The following PRDM10 variants were observed in gnomAD, a reference collection of about 807,000 sequenced individuals.
PRDM10 encodes the protein PR/SET domain 10.
PRDM10 carries 65 observed loss-of-function variants against 133.1 expected under a neutral mutation model. The observed-to-expected ratio is 0.49, with a 90% confidence interval of 0.40 to 0.60. The LOEUF is 0.60. Among genes scored for constraint, PRDM10 ranks in the 20% least tolerant of loss-of-function variants. PRDM10 has a pLI of 0.00. For synonymous variants in PRDM10, 582 were observed against 580.4 expected (o/e 1.00, Z -0.04); for missense variants, 1,137 against 1,507.1 (o/e 0.75, Z 4.07).
At chr11:129,904,548 G>A (rs1436286527) in intron 20 of PRDM10, among the ~76,000 whole-genome samples, 1 of 152,094 alleles carries the variant, frequency 6.6e-6, no homozygotes, top group Non-Finnish European at 1.5e-5. Context: ...TGCCCAGGCT[G>A]GAGTGCAGTG....
At chr11:129,987,757 T>C (rs1234381902) in intron 1 of PRDM10, among the ~76,000 whole-genome samples, 1 of 152,154 alleles carries the variant, frequency 6.6e-6, no homozygotes, top group Non-Finnish European at 1.5e-5. Flanking sequence ...TCCCAGCCCT[T>C]TGGGAGGCCG....
At chr11:129,926,846 T>A (rs758477887) in intron 11 of PRDM10, among the ~76,000 whole-genome samples, 6 of 152,184 alleles carry the variant, frequency 3.9e-5, no homozygotes, top group Admixed American at 2.6e-4. Context: ...TGAAATATAT[T>A]TCATATGAAA....
chr11:129,961,020 G>T lies in PRDM10; in HGVS notation c.-56C>A. ...CACACCTAGAGCAGCACAGGGTACA[G>T]GACAGTCATCTGTCTACCACACGTG... is the stretch of plus-strand genomic sequence containing the variant. On this transcript the variant is annotated 5_prime_UTR_variant, in exon 2 of 21. The change creates a new upstream start codon in the 5' untranslated region. Transcript: ENST00000360871. 6.5e-7 allele frequency: 1 copy of T among 1,543,868 alleles called. No individual in the cohort carries two copies. Among genetic ancestry groups the T allele is most frequent in the Non-Finnish European group, 8.9e-7 (1 of 1,117,772 alleles).
In PRDM10 at chr11:129,902,469, T is replaced by C. The variant is rs1163488210; in HGVS notation, c.3315A>G (p.Gln1105=). 1 of 1,614,064 alleles carries C rather than the reference T, an allele frequency of 6.2e-7. No homozygotes were observed. Among genetic ancestry groups the C allele is most frequent in the Non-Finnish European group, 8.5e-7 (1 of 1,180,038 alleles). ...GGACTCCACCAGAGAGGGCAGAAGT[T>C]TGCTTTTCTTCCAATTCTGATTGAC... ...SESQSELEEK[Q]TSALSGGVQV... The change falls in exon 21 of 21, where the codon CAA becomes CAG. Residue 1105 remains glutamine, a synonymous_variant. Coordinates refer to ENST00000360871, the MANE Select transcript of PRDM10 (RefSeq NM_199437.2).
chr11:129,905,076 C>T (rs1949969902), intron 20 of PRDM10, among the ~76,000 whole-genome samples: 1 of 152,032 alleles, frequency 6.6e-6, no homozygotes, highest in Non-Finnish European at 1.5e-5. Context: ...TAAAAACGCT[C>T]ATAAGGGCCA....
chr11:129,947,500 C>T lies in PRDM10; in HGVS notation c.295-130G>A. On this transcript the variant is annotated intron_variant, in intron 4 of 20. Coordinates refer to ENST00000360871, the MANE Select transcript of PRDM10 (RefSeq NM_199437.2). The surrounding 1 kb of genome is among the most constrained non-coding windows in gnomAD (Gnocchi z 4.6). ...TCTTCCTACCAACTCCTTCCAGGCC[C>T]TGGAAAAATGACTTCCATCTACCGG... 1 of 1,526,802 alleles carries T rather than the reference C, an allele frequency of 6.5e-7. No individual in the cohort carries two copies. Among genetic ancestry groups the T allele is most frequent in the Non-Finnish European group, 8.8e-7 (1 of 1,138,658 alleles). 94.6% of individuals were successfully genotyped at this position (1,526,802 alleles called of 1,614,324 possible). A position where few individuals can be genotyped will look rare whatever the true frequency, so the allele number is the denominator to read the frequency against.
intron 12 of PRDM10, among the ~76,000 whole-genome samples, chr11:129,924,280 T>C (rs1459788050): frequency 1.3e-5 from 2 of 152,230 alleles, no homozygotes; most frequent in African/African-American, 2.4e-5. Flanking sequence ...ATTGAAAAAG[T>C]GTATTTTTAC....
In PRDM10 at chr11:129,902,202, C is replaced by T. The variant is rs1317627761; in HGVS notation, c.*111G>A. On this transcript the variant is annotated 3_prime_UTR_variant, in exon 21 of 21. Coordinates refer to ENST00000360871, the MANE Select transcript of PRDM10 (RefSeq NM_199437.2). Reference sequence around the variant, plus strand: ...GGATGAGAGACAAAACTGTGGTTTCCGAACTCTTGAGTGAATAATAAATCT... The same window carrying T: ...GGATGAGAGACAAAACTGTGGTTTCTGAACTCTTGAGTGAATAATAAATCT... 7 of 1,410,772 alleles carry T rather than the reference C, an allele frequency of 5.0e-6. No homozygotes were observed. Among genetic ancestry groups the T allele is most frequent in the African/African-American group, 1.4e-5 (1 of 69,434 alleles). The allele number at this position is 1,410,772 out of a possible 1,614,324, so 87.4% of individuals were successfully genotyped here. A position where few individuals can be genotyped will look rare whatever the true frequency, so the allele number is the denominator to read the frequency against.
rs1172979034 is a variant in PRDM10, at chr11:129,918,246, G to A, written c.2214+293C>T. 6.6e-6 allele frequency among the ~76,000 whole-genome samples: 1 copy of A among 150,918 alleles called. No homozygotes were observed. Among genetic ancestry groups the A allele is most frequent in the African/African-American group, 2.4e-5 (1 of 40,990 alleles). On this transcript the variant is annotated intron_variant, in intron 14 of 20. Coordinates refer to ENST00000360871, the MANE Select transcript of PRDM10 (RefSeq NM_199437.2). The surrounding 1 kb of genome is among the most constrained non-coding windows in gnomAD (Gnocchi z 5.3). The stretch of plus-strand genomic sequence containing the variant: ...CTAAAATAAGGTGAGAGCAGAGATT[G>A]AGATGGGTAAAGAAAAACAAAAGTA...
chr11:129,933,193 A>G (rs1023506954), intron 9 of PRDM10, among the ~76,000 whole-genome samples: 14 of 152,246 alleles, frequency 9.2e-5, no homozygotes, highest in Admixed American at 4.6e-4. Context: ...CCACTCATCC[A>G]TTTAATAATT....
intron 19 of PRDM10, among the ~76,000 whole-genome samples, chr11:129,910,055 G>C (rs1393682446): frequency 1.3e-5 from 2 of 152,206 alleles, no homozygotes; most frequent in African/African-American, 4.8e-5. Context: ...TGGCAATGTA[G>C]TAAGAGCTTA....
At chr11:129,939,979 T>C (rs1189366139) in intron 7 of PRDM10, among the ~76,000 whole-genome samples, 1 of 152,206 alleles carries the variant, frequency 6.6e-6, no homozygotes, top group African/African-American at 2.4e-5. Context: ...ATATTGCAGC[T>C]GCTTCACATT....
chr11:129,983,528 G>T (rs1051618467), intron 1 of PRDM10, among the ~76,000 whole-genome samples: 1 of 151,600 alleles, frequency 6.6e-6, no homozygotes, highest in Non-Finnish European at 1.5e-5. Flanking sequence ...TCGATCTCCT[G>T]ACCTTGTGAT....
At chr11:129,916,908 C>A (rs1274766518) in intron 15 of PRDM10, among the ~76,000 whole-genome samples, 2 of 151,970 alleles carry the variant, frequency 1.3e-5, no homozygotes, top group African/African-American at 2.4e-5. Flanking sequence ...AGAGAAGGGA[C>A]AGTAAGAAAA....
chr11:129,935,291 C>T, intron 8 of PRDM10, 73 bp from the exon 9 acceptor site: 2 of 1,073,190 alleles, frequency 1.9e-6, no homozygotes, highest in Admixed American at 3.4e-5. Context: ...GTCTGCGATC[C>T]CCACCATTCT....
intron 4 of PRDM10, among the ~76,000 whole-genome samples, chr11:129,951,312 C>T (rs2303660): frequency 3.3e-5 from 5 of 152,286 alleles, no homozygotes; most frequent in East Asian, 3.9e-4. Context: ...CACTACATCA[C>T]GATGGCCCTA....
At chr11:129,963,064 G>A (rs562501524) in intron 1 of PRDM10, among the ~76,000 whole-genome samples, 107 of 151,448 alleles carry the variant, frequency 7.1e-4, no homozygotes, top group African/African-American at 2.1e-3. Flanking sequence ...TGGAAGGATC[G>A]CTTGAGTCTG....
intron 1 of PRDM10, among the ~76,000 whole-genome samples, chr11:129,995,400 A>G (rs79960257): frequency 6.6e-5 from 10 of 152,204 alleles, no homozygotes; most frequent in African/African-American, 2.4e-4. Flanking sequence ...CGGTTCTGTC[A>G]ATATTCTGTG....
chr11:129,949,916 A>G (rs1003736979), intron 4 of PRDM10, among the ~76,000 whole-genome samples: 1 of 149,408 alleles, frequency 6.7e-6, no homozygotes, highest in African/African-American at 2.5e-5. Flanking sequence ...CCTGGGTGAC[A>G]AGAGCGAAAC....
Sources: allele counts gnomAD v4.1 joint callset (sites outside exome capture counted in the v4.1 genomes callset), GRCh38; gene constraint gnomAD v4.1.1; non-coding constraint Gnocchi (gnomAD v3.1); transcripts MANE v1.5; gene names NCBI Gene and HGNC (gene_info 2026-07-23, HGNC 2026-07-21).